NDUFV2: variants seen among roughly 807,000 people sequenced by gnomAD.
NDUFV2 encodes the protein NADH dehydrogenase [ubiquinone] flavoprotein 2, mitochondrial.
In NDUFV2, 18 loss-of-function variants were observed where a neutral mutation model predicts 31.6. The ratio of observed to expected loss-of-function variants is 0.57; its 90% CI spans 0.39 to 0.84. The LOEUF is 0.84. Among genes scored for constraint, NDUFV2 ranks in the 40% least tolerant of loss-of-function variants. The probability of loss-of-function intolerance (pLI) is 0.00; values close to 1 mark genes in which losing one functional copy is unlikely to be tolerated. For synonymous variants in NDUFV2, 83 were observed against 99.8 expected, an observed-to-expected ratio of 0.83 and a Z score of 1.01; for missense variants, 314 against 303.6, an observed-to-expected ratio of 1.03 and a Z score of -0.26.
intron 1 of NDUFV2, chr18:9,117,588 GC>G: frequency 2.3e-6 from 1 of 431,212 alleles, no homozygotes; most frequent in South Asian, 2.9e-5. Context: ...ACACAAGTCA[GC>G]AGATCTGGGT....
At chr18:9,117,599 T>C (rs757757689) in intron 1 of NDUFV2, 8 of 462,494 alleles carry the variant, frequency 1.7e-5, no homozygotes, top group African/African-American at 3.9e-5. Flanking sequence ...CAGATCTGGG[T>C]TGTCCTGGTT....
chr18:9,104,132 G>C, intron 1 of NDUFV2: 1 of 1,612,288 alleles, frequency 6.2e-7, no homozygotes, highest in Admixed American at 1.7e-5. Flanking sequence ...TTGGGCATGG[G>C]GTCCGAGGGT....
At chr18:9,129,056 G>A (rs1252839279) in intron 7 of NDUFV2, among the ~76,000 whole-genome samples, 4 of 152,168 alleles carry the variant, frequency 2.6e-5, no homozygotes, top group Non-Finnish European at 5.9e-5. Flanking sequence ...TCCTGCCTCA[G>A]TCTCCCGAGC....
chr18:9,102,750 T>C lies in NDUFV2; in HGVS notation c.7T>C (p.Phe3Leu), dbSNP rs1306784595. The change falls in exon 1 of 8, where the codon TTC (phenylalanine) becomes CTC (leucine). Residue 3 changes from phenylalanine to leucine, a missense_variant. By Grantham distance (22) the Phe-to-Leu change is conservative. Transcript: ENST00000318388. ...GTGAACAGTGTGGCCCGCCATGTTC[T>C]TCTCCGCGGCGCTCCGGGCCCGGGC... MF[F>L]SAALRARAAG... 12 of 1,588,600 alleles carry C rather than the reference T, an allele frequency of 7.6e-6. No homozygotes were observed. The East Asian group carries it at 2.1e-4, about 27-fold the overall frequency.
Position 9,126,857 on chromosome 18 carries a change from A to G in NDUFV2, c.606A>G (p.Glu202=). Residue 202 remains glutamate, a synonymous_variant, in exon 7 of 8, where the codon GAA becomes GAG. Transcript: ENST00000318388. The part of the protein sequence containing the change: ...YYEDLTAKDI[E]EIIDELKAGK... ...AGGATTTGACAGCTAAGGATATTGA[A>G]GAAATTATTGATGAGCTCAAGGCTG... 6.2e-7 allele frequency: 1 copy of G among 1,613,914 alleles called. No individual in the cohort carries two copies.
chr18:9,116,299 T>A (rs2077897507), intron 1 of NDUFV2, among the ~76,000 whole-genome samples: 1 of 151,984 alleles, frequency 6.6e-6, no homozygotes, highest in Non-Finnish European at 1.5e-5. Flanking sequence ...AAACAGAAAA[T>A]GTTAGTGTTC....
chr18:9,105,359 G>C (rs1047263153), intron 1 of NDUFV2, among the ~76,000 whole-genome samples: 1 of 152,140 alleles, frequency 6.6e-6, no homozygotes, highest in African/African-American at 2.4e-5. Flanking sequence ...GTGTGATCTT[G>C]AGCCATCTTA....
chr18:9,119,618 T>A, intron 4 of NDUFV2, 28 bp downstream of exon 4: 1 of 1,524,022 alleles, frequency 6.6e-7, no homozygotes, highest in Non-Finnish European at 9.1e-7. Flanking sequence ...GCCTTAGTTC[T>A]AAAAGAGAAG....
chr18:9,122,827 A>G, intron 5 of NDUFV2, 146 bp downstream of exon 5: 1 of 793,166 alleles, frequency 1.3e-6, no homozygotes, highest in Non-Finnish European at 2.1e-6. Context: ...GTGTTTCCAC[A>G]TCTTTATTTC....
chr18:9,129,609 T>C (rs1163378670), intron 7 of NDUFV2, among the ~76,000 whole-genome samples: 1 of 152,024 alleles, frequency 6.6e-6, no homozygotes, highest in Non-Finnish European at 1.5e-5. Flanking sequence ...TTAGAGGTGG[T>C]AACATTTGAG....
At chr18:9,118,815 G>GTTTTTTTTTTTTTTTTTTTTTTTTTT (rs71168030) in intron 2 of NDUFV2, among the ~76,000 whole-genome samples, 3 of 76,762 alleles carry the variant, frequency 3.9e-5, no homozygotes, top group Non-Finnish European at 7.2e-5. Flanking sequence ...AGATGGTGCT[G>GTTTTTTTTTTTTTTTTTTTTTTTTTT]TTTTTTTTTT....
intron 1 of NDUFV2, chr18:9,104,292 A>C (rs2077830309): frequency 6.2e-6 from 10 of 1,610,778 alleles, no homozygotes; most frequent in Middle Eastern, 3.3e-4. Context: ...CTGGCGTGCC[A>C]TACTAAAGAA....
rs1452130291 is a variant in NDUFV2, at chr18:9,117,441, CA to C, written c.55-396del. 1.8e-5 allele frequency: 4 copies of C among 227,110 alleles called. No individual in the cohort carries two copies. The Admixed American group carries it at 2.0e-4, about 12-fold the overall frequency. The allele number at this position is 227,110 out of a possible 1,614,324, so 14.1% of individuals were successfully genotyped here. The stretch of plus-strand genomic sequence containing the variant: ...GTACAGAGTATATGACTCATTTGTA[CA>C]GAATGAAAACATGTTTATGAAGGTT... On this transcript the variant is annotated intron_variant, in intron 1 of 7. Transcript: ENST00000318388.
intron 1 of NDUFV2, chr18:9,104,332 G>A (rs925231424): frequency 2.5e-6 from 4 of 1,575,934 alleles, no homozygotes. Flanking sequence ...AGGAGTCAGT[G>A]AAAGGTTTTA....
intron 1 of NDUFV2, chr18:9,112,349 A>G (rs926396933): frequency 6.6e-6 from 1 of 152,014 alleles, no homozygotes; most frequent in African/African-American, 2.4e-5. Context: ...TAGTTTGGTG[A>G]TATTAGACAG....
intron 2 of NDUFV2, among the ~76,000 whole-genome samples, chr18:9,118,197 GCTTA>G (rs979548431): frequency 1.3e-5 from 2 of 152,130 alleles, no homozygotes; most frequent in Non-Finnish European, 2.9e-5. Context: ...AGTCATGTTG[GCTTA>G]CTGAGAGTTT....
intron 1 of NDUFV2, chr18:9,103,238 G>T (rs2077824111): frequency 5.0e-6 from 2 of 398,142 alleles, no homozygotes; most frequent in Non-Finnish European, 8.8e-6. Flanking sequence ...GGCTTAGGGA[G>T]AACTTCATTA....
At chr18:9,122,300 G>A (rs1398379935) in intron 4 of NDUFV2, among the ~76,000 whole-genome samples, 65 of 152,058 alleles carry the variant, frequency 4.3e-4, no homozygotes, top group Admixed American at 2.6e-4. Flanking sequence ...TTAACTTTCG[G>A]GCTCTGTATG....
rs1414856344 is a variant in NDUFV2, at chr18:9,126,566, C to T, written c.580-265C>T. ...TATAGGAGTTACTTAATTGTTGATG[C>T]CTTGGTAACTATCTTGTGAGCTGAG... On this transcript the variant is annotated intron_variant, in intron 6 of 7. Coordinates refer to ENST00000318388, the MANE Select transcript of NDUFV2 (RefSeq NM_021074.5). The T allele has an allele frequency of 5.5e-5, 23 of 420,522 alleles. No homozygotes were observed. In the Admixed American group the frequency reaches 8.2e-4, roughly 15 times the overall value. The allele number at this position is 420,522 out of a possible 1,614,324, so 26.0% of individuals were successfully genotyped here.
Sources: gnomAD v4.1 joint callset for allele counts (sites outside exome capture counted in the v4.1 genomes callset) on GRCh38, gnomAD v4.1.1 for gene constraint, MANE v1.5 for transcripts, NCBI Gene and HGNC (gene_info 2026-07-23, HGNC 2026-07-21) for gene names.